The following CTIF variants were observed in gnomAD, a reference collection of about 807,000 sequenced individuals.
The protein encoded by CTIF is CBP80/20-dependent translation initiation factor.
A neutral mutation model predicts 66.0 loss-of-function variants in CTIF; 21 were observed. The ratio of observed to expected loss-of-function variants is 0.32; its 90% CI spans 0.23 to 0.46. CTIF has a LOEUF of 0.46. Ranked by LOEUF, CTIF falls within the 20% of genes least tolerant of loss-of-function variation. The pLI, the probability that CTIF is intolerant of heterozygous loss-of-function variation, is 1.00. For missense variants in CTIF, 739 were observed against 812.7 expected (o/e 0.91, Z 1.10); for synonymous variants, 345 against 326.4 (o/e 1.06, Z -0.62).
At chr18:48,777,509 C>T (rs1225692242) in intron 9 of CTIF, among the ~76,000 whole-genome samples, 1 of 152,144 alleles carries the variant, frequency 6.6e-6, no homozygotes, top group Non-Finnish European at 1.5e-5. Flanking sequence ...TACTCATTCC[C>T]ATTTTATACC....
At chr18:48,641,140 A>T (rs2090921851) in intron 3 of CTIF, among the ~76,000 whole-genome samples, 1 of 152,206 alleles carries the variant, frequency 6.6e-6, no homozygotes, top group African/African-American at 2.4e-5. Flanking sequence ...ATGTATAGGG[A>T]TTGTTGAAAT....
chr18:48,758,240 C>T lies in CTIF; in HGVS notation c.906C>T (p.Thr302=), dbSNP rs61729840. 50,676 of 1,613,332 alleles carry T rather than the reference C, an allele frequency of 0.031. 966 individuals carry two copies. Among genetic ancestry groups the T allele is most frequent in the Non-Finnish European group, 0.037 (43,064 of 1,179,716 alleles). ...SSLEAPRSPD[T]LAPVASERLP... ...TTGAGGCCCCCCGCAGCCCTGACAC[C>T]CTGGCCCCGGTGGCTTCTGAGCGGC... The change falls in exon 8 of 12, where the codon ACC becomes ACT. Residue 302 remains threonine, a synonymous_variant. Transcript: ENST00000256413.
Position 48,761,892 on chromosome 18 carries a change from C to T in CTIF, c.1371+203C>T, listed in dbSNP as rs1014525883. Among the ~76,000 whole-genome samples, 7 of 152,314 alleles carry T rather than the reference C, an allele frequency of 4.6e-5. No individual in the cohort carries two copies. Among genetic ancestry groups the T allele is most frequent in the Middle Eastern group, 3.4e-3 (1 of 294 alleles). On this transcript the variant is annotated intron_variant, in intron 9 of 11. Coordinates refer to ENST00000256413, the MANE Select transcript of CTIF (RefSeq NM_014772.3). The surrounding 1 kb of genome is among the most constrained non-coding windows in gnomAD (Gnocchi z 4.2). Reference sequence around the variant, plus strand: ...ATTTGTGTGTGTTTATGTGTGGGCTCCCTGGTTACAATGGACCAATATAAT... The same window carrying T: ...ATTTGTGTGTGTTTATGTGTGGGCTTCCTGGTTACAATGGACCAATATAAT...
At chr18:48,597,992 C>T (rs2090017482) in intron 1 of CTIF, among the ~76,000 whole-genome samples, 1 of 152,208 alleles carries the variant, frequency 6.6e-6, no homozygotes, top group Non-Finnish European at 1.5e-5. Flanking sequence ...GAGCCTCTAT[C>T]ACCCTCTATT....
rs299742 is a variant in CTIF, at chr18:48,670,493, C to A, written c.432-176C>A. Reference sequence around the variant, plus strand: ...TGTTGCATTACGGGAGGACCCCCCCCCCACACACACACAGCTTCTCTAGGG... The same window carrying A: ...TGTTGCATTACGGGAGGACCCCCCCACCACACACACACAGCTTCTCTAGGG... On this transcript the variant is annotated intron_variant, in intron 5 of 11. Transcript: ENST00000256413. 28 of 543,384 alleles carry A rather than the reference C, an allele frequency of 5.2e-5. No homozygotes were observed. In the East Asian group the frequency reaches 5.6e-4, roughly 11 times the overall value. 33.7% of individuals were successfully genotyped at this position (543,384 alleles called of 1,614,324 possible). A position where few individuals can be genotyped will look rare whatever the true frequency, so the allele number is the denominator to read the frequency against.
intron 6 of CTIF, among the ~76,000 whole-genome samples, chr18:48,696,055 C>T (rs924663647): frequency 2.0e-5 from 3 of 152,262 alleles, no homozygotes; most frequent in African/African-American, 7.2e-5. Flanking sequence ...TGGCAGGTTT[C>T]GTGCAAAGGC....
intron 7 of CTIF, among the ~76,000 whole-genome samples, chr18:48,730,642 T>C (rs80344634): frequency 9.3e-4 from 23 of 24,692 alleles, no homozygotes; most frequent in Non-Finnish European, 1.0e-3. Flanking sequence ...GGGGCCCCTG[T>C]GGTGTGAGGG....
intron 10 of CTIF, among the ~76,000 whole-genome samples, chr18:48,847,488 G>C (rs181288295): frequency 1.7e-3 from 256 of 152,250 alleles, no homozygotes; most frequent in Non-Finnish European, 2.9e-3. Flanking sequence ...CTGAGCCTCA[G>C]TTTCTCTACC....
intron 9 of CTIF, among the ~76,000 whole-genome samples, chr18:48,789,695 A>G (rs2067750620): frequency 6.6e-6 from 1 of 152,266 alleles, no homozygotes; most frequent in African/African-American, 2.4e-5. Flanking sequence ...TTTTGGGCAG[A>G]AATTGGCAAG....
At position 48,685,794 on chromosome 18, in the gene CTIF, A is replaced by G. The variant is rs552346569; in HGVS notation, c.507+15050A>G. On this transcript the variant is annotated intron_variant, in intron 6 of 11. Transcript: ENST00000256413. ...TGGGTTCAAGTGATTCTCCTGCCTCAGCCTCCCAAGTAGCTGGGATTACAG... is the reference window on the plus strand; with the variant it reads ...TGGGTTCAAGTGATTCTCCTGCCTCGGCCTCCCAAGTAGCTGGGATTACAG... 3.3e-5 allele frequency among the ~76,000 whole-genome samples: 5 copies of G among 152,106 alleles called. No individual in the cohort carries two copies. The East Asian group carries it at 9.7e-4, about 29-fold the overall frequency.
At chr18:48,640,536 T>C (rs539953427) in intron 3 of CTIF, among the ~76,000 whole-genome samples, 13 of 152,184 alleles carry the variant, frequency 8.5e-5, no homozygotes, top group African/African-American at 2.9e-4. Flanking sequence ...GCTAACCCAT[T>C]TTCACCCGTG....
intron 6 of CTIF, among the ~76,000 whole-genome samples, chr18:48,710,831 G>T (rs1400678196): frequency 2.0e-5 from 3 of 152,170 alleles, no homozygotes; most frequent in African/African-American, 7.2e-5. Context: ...AACAAGCCAG[G>T]CGTGGTGATG....
intron 6 of CTIF, among the ~76,000 whole-genome samples, chr18:48,694,011 G>T: frequency 6.6e-6 from 1 of 152,256 alleles, no homozygotes; most frequent in East Asian, 1.9e-4. Flanking sequence ...TGGACTTTGT[G>T]TAAATTTTTA....
At chr18:48,824,670 T>G (rs921799740) in intron 10 of CTIF, among the ~76,000 whole-genome samples, 22 of 151,904 alleles carry the variant, frequency 1.4e-4, no homozygotes, top group Non-Finnish European at 4.4e-5. Flanking sequence ...AGAGTTTCAC[T>G]CTTGTCGCCC....
At chr18:48,580,177 G>A (rs1317447566) in intron 1 of CTIF, among the ~76,000 whole-genome samples, 1 of 152,190 alleles carries the variant, frequency 6.6e-6, no homozygotes, top group Non-Finnish European at 1.5e-5. Flanking sequence ...CCAAGTGGAA[G>A]CCAATTTACC....
At chr18:48,652,631 A>G (rs2091177616) in intron 3 of CTIF, among the ~76,000 whole-genome samples, 1 of 152,180 alleles carries the variant, frequency 6.6e-6, no homozygotes, top group Admixed American at 6.5e-5. Context: ...CTCATTTTAT[A>G]AGGCCAGCAT....
intron 7 of CTIF, among the ~76,000 whole-genome samples, chr18:48,724,963 AT>A (rs1488004319): frequency 6.6e-6 from 1 of 152,230 alleles, no homozygotes; most frequent in Non-Finnish European, 1.5e-5. Flanking sequence ...AAAAGATCTA[AT>A]TTTAGGCTTA....
intron 9 of CTIF, among the ~76,000 whole-genome samples, chr18:48,793,652 C>A (rs942268009): frequency 1.1e-4 from 16 of 152,206 alleles, no homozygotes; most frequent in Non-Finnish European, 2.4e-4. Flanking sequence ...CTCCTCCTCT[C>A]TTTTCTTAAC....
At chr18:48,646,575 C>A (rs1436494731) in intron 3 of CTIF, among the ~76,000 whole-genome samples, 1 of 151,384 alleles carries the variant, frequency 6.6e-6, no homozygotes, top group African/African-American at 2.4e-5. Context: ...GGTGAAACAC[C>A]GTCTCAACAA....
Sources: allele counts gnomAD v4.1 joint callset (sites outside exome capture counted in the v4.1 genomes callset), GRCh38; gene constraint gnomAD v4.1.1; non-coding constraint Gnocchi (gnomAD v3.1); transcripts MANE v1.5; gene names NCBI Gene and HGNC (gene_info 2026-07-23, HGNC 2026-07-21).